The following AGBL4 variants were observed in gnomAD, a reference collection of about 807,000 sequenced individuals.
AGBL4 encodes AGBL carboxypeptidase 4.
AGBL4 carries 58 observed loss-of-function variants against 66.4 expected under a neutral mutation model. The observed-to-expected ratio is 0.87, with a 90% CI of 0.71 to 1.09. The LOEUF (loss-of-function observed/expected upper bound fraction) is 1.09, where lower values mean the gene tolerates loss of function less well. Among genes scored for constraint, AGBL4 ranks in the 50% least tolerant of loss-of-function variants. AGBL4 has a pLI of 0.00. For missense variants in AGBL4, 579 were observed against 631.0 expected, an observed-to-expected ratio of 0.92 and a Z score of 0.88; for synonymous variants, 234 against 222.9, an observed-to-expected ratio of 1.05 and a Z score of -0.44.
chr1:49,665,921 T>C (rs1191354870), intron 3 of AGBL4, among the ~76,000 whole-genome samples: 1 of 151,018 alleles, frequency 6.6e-6, no homozygotes, highest in African/African-American at 2.4e-5. Flanking sequence ...TGTTCATCTG[T>C]GTCTTAAGTT....
chr1:49,514,370 C>G (rs1372007938), intron 3 of AGBL4, among the ~76,000 whole-genome samples: 1 of 151,870 alleles, frequency 6.6e-6, no homozygotes, highest in African/African-American at 2.4e-5. Context: ...CAAACCACTG[C>G]TCAATGAAAT....
At chr1:49,381,574 T>C (rs372633830) in intron 3 of AGBL4, among the ~76,000 whole-genome samples, 2 of 152,036 alleles carry the variant, frequency 1.3e-5, no homozygotes, top group Non-Finnish European at 2.9e-5. Context: ...TTATTCACAA[T>C]AGCAAAGACT....
At chr1:48,742,340 T>C (rs1650039697) in intron 6 of AGBL4, among the ~76,000 whole-genome samples, 1 of 152,194 alleles carries the variant, frequency 6.6e-6, no homozygotes, top group African/African-American at 2.4e-5. Context: ...GAAATATCTT[T>C]GTCACTAGTA....
chr1:48,827,475 G>T (rs1445393371), intron 6 of AGBL4, among the ~76,000 whole-genome samples: 2 of 152,162 alleles, frequency 1.3e-5, no homozygotes, highest in East Asian at 1.9e-4. Flanking sequence ...GCCTACTGGG[G>T]TGAAAGCTCT....
chr1:48,608,588 C>A (rs922312699), intron 9 of AGBL4, among the ~76,000 whole-genome samples: 1 of 151,136 alleles, frequency 6.6e-6, no homozygotes, highest in African/African-American at 2.4e-5. Flanking sequence ...GATGGATGGA[C>A]GGATGGATAG....
chr1:49,711,921 C>T (rs1571383145), intron 2 of AGBL4, among the ~76,000 whole-genome samples: 1 of 152,082 alleles, frequency 6.6e-6, no homozygotes, highest in East Asian at 1.9e-4. Flanking sequence ...GTAAATCTGT[C>T]TCTATCACTT....
chr1:49,426,297 T>C (rs1256951566), intron 3 of AGBL4, among the ~76,000 whole-genome samples: 3 of 152,178 alleles, frequency 2.0e-5, no homozygotes, highest in African/African-American at 7.2e-5. Flanking sequence ...TAAATTATAC[T>C]ATTTCTGTTT....
chr1:49,263,380 A>C (rs865843216), intron 3 of AGBL4, among the ~76,000 whole-genome samples: 6 of 152,158 alleles, frequency 3.9e-5, no homozygotes, highest in Admixed American at 6.6e-5. Context: ...AAAAAAATAG[A>C]GTAATCCTCA....
At chr1:49,201,488 C>A (rs1647696325) in intron 4 of AGBL4, among the ~76,000 whole-genome samples, 1 of 152,160 alleles carries the variant, frequency 6.6e-6, no homozygotes, top group Non-Finnish European at 1.5e-5. Context: ...TCATGTTCCA[C>A]TTTGTCAAAG....
intron 3 of AGBL4, among the ~76,000 whole-genome samples, chr1:49,502,379 C>T (rs1648248164): frequency 6.6e-6 from 1 of 151,960 alleles, no homozygotes; most frequent in Non-Finnish European, 1.5e-5. Flanking sequence ...TAGTTCTGCC[C>T]TTCTAGAGAA....
At chr1:48,993,143 T>C (rs1290215333) in intron 5 of AGBL4, among the ~76,000 whole-genome samples, 8 of 152,182 alleles carry the variant, frequency 5.3e-5, no homozygotes, top group Non-Finnish European at 2.9e-5. Context: ...CTACAACATG[T>C]ATGACCTGAC....
At chr1:49,439,524 T>A (rs1645977662) in intron 3 of AGBL4, among the ~76,000 whole-genome samples, 1 of 151,942 alleles carries the variant, frequency 6.6e-6, no homozygotes, top group African/African-American at 2.4e-5. Context: ...TAATATTGAG[T>A]GTCAACTTGA....
chr1:49,608,268 TA>T (rs1246286277), intron 3 of AGBL4, among the ~76,000 whole-genome samples: 3 of 152,140 alleles, frequency 2.0e-5, no homozygotes, highest in East Asian at 1.9e-4. Flanking sequence ...AAATATTTTT[TA>T]AAAAAATTCT....
chr1:49,048,712 T>A (rs1047803564), intron 4 of AGBL4, among the ~76,000 whole-genome samples: 1 of 152,092 alleles, frequency 6.6e-6, no homozygotes, highest in African/African-American at 2.4e-5. Context: ...GTTAAGTGTT[T>A]TATATGCATT....
At chr1:49,742,238 G>T (rs1248616944) in intron 2 of AGBL4, among the ~76,000 whole-genome samples, 1 of 149,862 alleles carries the variant, frequency 6.7e-6, no homozygotes, top group East Asian at 2.0e-4. Context: ...AAAATCACAA[G>T]CATTCTTATA....
intron 3 of AGBL4, among the ~76,000 whole-genome samples, chr1:49,300,711 C>A (rs781090203): frequency 6.6e-6 from 1 of 152,186 alleles, no homozygotes; most frequent in African/African-American, 2.4e-5. Context: ...CCTAGATGAT[C>A]TTTCCTGCAT....
intron 4 of AGBL4, among the ~76,000 whole-genome samples, chr1:49,218,744 T>G (rs1047919198): frequency 6.6e-6 from 1 of 152,108 alleles, no homozygotes; most frequent in Non-Finnish European, 1.5e-5. Flanking sequence ...CACCCAAATC[T>G]CATCTTGAAT....
intron 2 of AGBL4, among the ~76,000 whole-genome samples, chr1:49,709,260 G>C (rs918858063): frequency 6.6e-6 from 1 of 152,224 alleles, no homozygotes; most frequent in Non-Finnish European, 1.5e-5. Flanking sequence ...CCTGCCCAGA[G>C]AGGAGGAATC....
At chr1:49,791,496 T>C (rs1407993935) in intron 2 of AGBL4, among the ~76,000 whole-genome samples, 2 of 152,210 alleles carry the variant, frequency 1.3e-5, no homozygotes, top group East Asian at 3.9e-4. Flanking sequence ...ATCTCTTCAA[T>C]GGTTTCCCAA....
Sources: allele counts gnomAD v4.1 joint callset (sites outside exome capture counted in the v4.1 genomes callset), GRCh38; gene constraint gnomAD v4.1.1; transcripts MANE v1.5; gene names NCBI Gene and HGNC (gene_info 2026-07-23, HGNC 2026-07-21).